The following CEP128 variants were observed in gnomAD, a reference collection of about 807,000 sequenced individuals.
The protein encoded by CEP128 is centrosomal protein 128, also known as centrosomal protein 128kDa.
In CEP128, 132 loss-of-function variants were observed where a neutral mutation model predicts 156.7. The observed-to-expected ratio is 0.84, with a 90% CI of 0.73 to 0.97. CEP128 has a LOEUF of 0.97. CEP128 is among the 50% of genes least tolerant of loss of function. The probability of loss-of-function intolerance (pLI) is 0.00; values close to 1 mark genes in which losing one functional copy is unlikely to be tolerated. For synonymous variants in CEP128, 469 were observed against 448.9 expected (o/e 1.04, Z -0.57); for missense variants, 1,252 against 1,281.9 (o/e 0.98, Z 0.36).
rs573420808 is a variant in CEP128, at chr14:80,703,714, C to A, written c.2806+39361G>T. On this transcript the variant is annotated intron_variant, in intron 19 of 24. Coordinates refer to ENST00000555265, the MANE Select transcript of CEP128 (RefSeq NM_152446.5). ...TTTGTTTAACTGCCATTGGATATCA[C>A]GACTAGAAAATTGACATTAATACAA... is the stretch of plus-strand genomic sequence containing the variant. Among the ~76,000 whole-genome samples the A allele has an allele frequency of 4.6e-5, 7 of 152,102 alleles. No individual in the cohort carries two copies. The South Asian group carries it at 1.5e-3, about 32-fold the overall frequency.
intron 20 of CEP128, among the ~76,000 whole-genome samples, chr14:80,569,205 T>C (rs1192713954): frequency 6.6e-6 from 1 of 152,212 alleles, no homozygotes; most frequent in African/African-American, 2.4e-5. Context: ...GAAAATGATA[T>C]GATGTAGTAC....
chr14:80,629,911 T>A (rs535633794), intron 19 of CEP128, among the ~76,000 whole-genome samples: 1 of 151,998 alleles, frequency 6.6e-6, no homozygotes, highest in Non-Finnish European at 1.5e-5. Context: ...TAAGAGAGAA[T>A]TGAATGTATA....
intron 12 of CEP128, among the ~76,000 whole-genome samples, chr14:80,832,428 C>A: frequency 6.6e-6 from 1 of 151,632 alleles, no homozygotes. Context: ...AAAACACTAA[C>A]AAATTAAATT....
In CEP128 at chr14:80,836,283, G is replaced by A; in HGVS notation, c.979C>T (p.Gln327Ter). The change falls in exon 12 of 25, where the codon CAG becomes TAG. Residue 327 changes from glutamine to a stop codon, truncating the protein, a stop_gained. Transcript: ENST00000555265. LOFTEE classifies it high-confidence loss of function. ...TTGGAAATCTGAGATACTTGATGCTGTAAACCCTTTCGATCACCTTCTGCT... is the reference window on the plus strand; with the variant it reads ...TTGGAAATCTGAGATACTTGATGCTATAAACCCTTTCGATCACCTTCTGCT... ...TKAEGDRKGL[Q>*]HQVSQISKQQ... 1 of 1,613,966 alleles carries A rather than the reference G, an allele frequency of 6.2e-7. No homozygotes were observed. The highest frequency in any genetic ancestry group is 8.5e-7 in the Non-Finnish European group (1 of 1,179,900).
chr14:80,782,648 G>A lies in CEP128; in HGVS notation c.2211+2247C>T, dbSNP rs551427107. Among the ~76,000 whole-genome samples the A allele has an allele frequency of 4.6e-5, 7 of 152,082 alleles. No individual in the cohort carries two copies. In the South Asian group the frequency reaches 6.3e-4, roughly 14 times the overall value. ...TTACCCAGTCTTACTGGTTTCCTCCGAATCCTTCAGAGGAAAGATGCCTTG... is the reference window on the plus strand; with the variant it reads ...TTACCCAGTCTTACTGGTTTCCTCCAAATCCTTCAGAGGAAAGATGCCTTG... On this transcript the variant is annotated intron_variant, in intron 15 of 24. Coordinates refer to ENST00000555265, the MANE Select transcript of CEP128 (RefSeq NM_152446.5).
downstream of CEP128, among the ~76,000 whole-genome samples, chr14:80,486,065 C>G (rs79413217): frequency 2.0e-4 from 31 of 152,242 alleles, no homozygotes; most frequent in Non-Finnish European, 4.4e-4. Flanking sequence ...TTGCAATTAG[C>G]TAGAAGGGTG....
chr14:80,891,987 C>T (rs567893547), intron 8 of CEP128, among the ~76,000 whole-genome samples: 1 of 151,508 alleles, frequency 6.6e-6, no homozygotes, highest in South Asian at 2.1e-4. Context: ...TTAAATTATC[C>T]ATACTACCCA....
Position 80,667,750 on chromosome 14 carries a change from C to T in CEP128, c.2806+75325G>A, listed in dbSNP as rs573753282. Among the ~76,000 whole-genome samples, 482 of 148,968 alleles carry T rather than the reference C, an allele frequency of 3.2e-3. 1 individual carries two copies. The highest frequency in any genetic ancestry group is 0.011 in the African/African-American group (458 of 40,258). On this transcript the variant is annotated intron_variant, in intron 19 of 24. Coordinates refer to ENST00000555265, the MANE Select transcript of CEP128 (RefSeq NM_152446.5). ...GTGGGTGCCTGTAGTCCCAGCTACTCGGGAGGCTGAGGCAGGAGAATGGCA... is the reference window on the plus strand; with the variant it reads ...GTGGGTGCCTGTAGTCCCAGCTACTTGGGAGGCTGAGGCAGGAGAATGGCA...
In CEP128 at chr14:80,666,811, T is replaced by C. The variant is rs984564321; in HGVS notation, c.2806+76264A>G. On this transcript the variant is annotated intron_variant, in intron 19 of 24. Transcript: ENST00000555265. The stretch of plus-strand genomic sequence containing the variant: ...AAAGCAGGGTAAGAGGGATAGAAAG[T>C]AACAAATGACGAAGAACAAAATTAA... Among the ~76,000 whole-genome samples the C allele has an allele frequency of 4.1e-5, 6 of 147,806 alleles. No homozygotes were observed. In the South Asian group the frequency reaches 1.1e-3, roughly 26 times the overall value.
intron 19 of CEP128, among the ~76,000 whole-genome samples, chr14:80,641,365 T>C (rs1340610070): frequency 6.6e-6 from 1 of 152,228 alleles, no homozygotes; most frequent in Non-Finnish European, 1.5e-5. Flanking sequence ...ATGTTTTATG[T>C]TCTTAACATA....
intron 23 of CEP128, among the ~76,000 whole-genome samples, chr14:80,510,562 TCTTC>T (rs1223426725): frequency 6.6e-6 from 1 of 152,118 alleles, no homozygotes; most frequent in Non-Finnish European, 1.5e-5. Context: ...ATAATTGACT[TCTTC>T]CTTTCCAATT....
At chr14:80,507,032 C>T (rs1280506872) in intron 23 of CEP128, among the ~76,000 whole-genome samples, 1 of 151,884 alleles carries the variant, frequency 6.6e-6, no homozygotes, top group African/African-American at 2.4e-5. Flanking sequence ...CACCTCCCCT[C>T]AGCTCTTGCT....
At chr14:80,729,976 C>T (rs1454770528) in intron 19 of CEP128, among the ~76,000 whole-genome samples, 3 of 152,068 alleles carry the variant, frequency 2.0e-5, no homozygotes, top group Non-Finnish European at 2.9e-5. Context: ...GAAATATTAA[C>T]GAGTACCCAA....
chr14:80,837,758 G>T (rs1490613122), intron 11 of CEP128, among the ~76,000 whole-genome samples: 1 of 152,196 alleles, frequency 6.6e-6, no homozygotes, highest in Non-Finnish European at 1.5e-5. Flanking sequence ...GTTTAAAAGG[G>T]TCAAGTAGTA....
chr14:80,871,195 G>C (rs1197161272), intron 8 of CEP128, among the ~76,000 whole-genome samples: 3 of 152,004 alleles, frequency 2.0e-5, no homozygotes, highest in Admixed American at 2.0e-4. Context: ...AAGAAACCCA[G>C]GTAGGATTTT....
intron 23 of CEP128, among the ~76,000 whole-genome samples, chr14:80,523,346 G>A (rs911000868): frequency 2.0e-5 from 3 of 152,176 alleles, no homozygotes; most frequent in African/African-American, 7.2e-5. Flanking sequence ...AGACTCTTGA[G>A]CATCTTTCTT....
chr14:80,508,017 C>T (rs752451926), intron 23 of CEP128, among the ~76,000 whole-genome samples: 7 of 152,176 alleles, frequency 4.6e-5, no homozygotes, highest in Non-Finnish European at 8.8e-5. Context: ...CAGGTTCAAG[C>T]GATCCTCCTG....
At chr14:80,560,463 T>C (rs1042475314) in intron 20 of CEP128, among the ~76,000 whole-genome samples, 2 of 152,048 alleles carry the variant, frequency 1.3e-5, no homozygotes, top group African/African-American at 2.4e-5. Context: ...AGAGGAAATA[T>C]GTGGAATCTG....
In CEP128 at chr14:80,800,123, T is replaced by C. The variant is rs980929943; in HGVS notation, c.1210-7013A>G. On this transcript the variant is annotated intron_variant, in intron 13 of 24. Coordinates refer to ENST00000555265, the MANE Select transcript of CEP128 (RefSeq NM_152446.5). ...GAGGCTCAGGTGGGCATCATAGTCCTACCGATATGTGATGTCACCCCCAGT... is the reference window on the plus strand; with the variant it reads ...GAGGCTCAGGTGGGCATCATAGTCCCACCGATATGTGATGTCACCCCCAGT... Among the ~76,000 whole-genome samples, 4 of 152,332 alleles carry C rather than the reference T, an allele frequency of 2.6e-5. No individual in the cohort carries two copies. The Middle Eastern group carries it at 0.01, about 389-fold the overall frequency.
Sources: gnomAD v4.1 joint callset for allele counts (sites outside exome capture counted in the v4.1 genomes callset) on GRCh38, gnomAD v4.1.1 for gene constraint, MANE v1.5 for transcripts, NCBI Gene and HGNC (gene_info 2026-07-23, HGNC 2026-07-21) for gene names.